SRRM3: variants seen among roughly 807,000 people sequenced by gnomAD.
The protein encoded by SRRM3 is serine/arginine repetitive matrix protein 3.
SRRM3 carries 27 observed loss-of-function variants against 66.2 expected under a neutral mutation model. That is an observed-to-expected ratio of 0.41 (90% CI 0.30 to 0.56). SRRM3 has a LOEUF of 0.56. Among genes scored for constraint, SRRM3 ranks in the 20% least tolerant of loss-of-function variants. The pLI is 0.32. For synonymous variants in SRRM3, 391 were observed against 414.9 expected, an observed-to-expected ratio of 0.94 and a Z score of 0.70; for missense variants, 918 against 991.9, an observed-to-expected ratio of 0.93 and a Z score of 1.00.
chr7:76,235,447 T>G (rs946948852), intron 2 of SRRM3, 148 bp downstream of exon 2: 1 of 748,660 alleles, frequency 1.3e-6, no homozygotes, highest in Non-Finnish European at 2.1e-6. Flanking sequence ...CGGGCGACTG[T>G]GGGAACCCAA....
intron 3 of SRRM3, 27 bp from the exon 4 acceptor site, chr7:76,259,879 G>T: frequency 6.3e-7 from 1 of 1,599,884 alleles, no homozygotes; most frequent in South Asian, 1.1e-5. Flanking sequence ...TCCCGAGACT[G>T]GTGGTGAGCG....
rs1394126921 is a variant in SRRM3 at position 76,281,069 on chromosome 7, CTT to C, written c.1009-370_1009-369del. 2.0e-5 allele frequency among the ~76,000 whole-genome samples: 3 copies of C among 147,186 alleles called. No homozygotes were observed. The East Asian group carries it at 6.0e-4, about 30-fold the overall frequency. On this transcript the variant is annotated intron_variant, in intron 11 of 14. Transcript: ENST00000611745. ...TCACCCTCGCTCTTTCGCCCTCTCT[CTT>C]TCTCATCTCTCTCCCTCTCACTCTG...
chr7:76,283,494 A>G (rs1180446049), intron 14 of SRRM3: 1 of 461,142 alleles, frequency 2.2e-6, no homozygotes, highest in East Asian at 6.8e-5. Flanking sequence ...TCTCCGGACA[A>G]TGATGTCTCC....
At chr7:76,225,917 A>G (rs1249982307) in intron 1 of SRRM3, among the ~76,000 whole-genome samples, 1 of 152,122 alleles carries the variant, frequency 6.6e-6, no homozygotes, top group Admixed American at 6.5e-5. Context: ...CTCTCAGCTT[A>G]TGAATTCCCA....
chr7:76,246,893 C>A (rs1554606225), intron 2 of SRRM3, among the ~76,000 whole-genome samples: 1 of 152,214 alleles, frequency 6.6e-6, no homozygotes, highest in Admixed American at 6.5e-5. Context: ...TTTCCCAGCT[C>A]TATGAGGTTG....
At chr7:76,283,881 T>G in intron 14 of SRRM3, 1 of 977,670 alleles carries the variant, frequency 1.0e-6, no homozygotes, top group Non-Finnish European at 1.2e-6. Flanking sequence ...AGCCCTAGAT[T>G]ACCCTGGCAG....
intron 14 of SRRM3, 51 bp downstream of exon 14, chr7:76,283,152 C>CCAGCG: frequency 7.4e-7 from 1 of 1,351,608 alleles, no homozygotes; most frequent in Non-Finnish European, 9.5e-7. Flanking sequence ...GCCGCTGACC[C>CCAGCG]GGATCAGGGA....
At chr7:76,266,540 A>AT (rs1802056530) in intron 10 of SRRM3, among the ~76,000 whole-genome samples, 2 of 111,294 alleles carry the variant, frequency 1.8e-5, no homozygotes, top group Admixed American at 1.3e-4. Context: ...TTAATATATA[A>AT]ATATTTATAT....
intron 1 of SRRM3, among the ~76,000 whole-genome samples, chr7:76,233,653 C>G (rs1801067233): frequency 6.6e-6 from 1 of 152,072 alleles, no homozygotes; most frequent in South Asian, 2.1e-4. Context: ...TCTGAGTCCC[C>G]AGGCACTCCC....
chr7:76,259,960 G>T lies in SRRM3; in HGVS notation c.390G>T (p.Ala130=). ...TEGAEPGLEY[A]PFDDDDGPVD... ...GCGCTGAGCCGGGCCTGGAGTACGC[G>T]CCCTTTGACGATGACGACGGCCCAG... Residue 130 remains alanine (A), a synonymous_variant, in exon 4 of 15, where the codon GCG becomes GCT. Coordinates refer to ENST00000611745, the MANE Select transcript of SRRM3 (RefSeq NM_001110199.3). 2 of 1,601,464 alleles carry T rather than the reference G, an allele frequency of 1.2e-6. No homozygotes were observed. Among genetic ancestry groups the T allele is most frequent in the Non-Finnish European group, 8.5e-7 (1 of 1,179,340 alleles).
At chr7:76,235,389 C>A in intron 2 of SRRM3, 90 bp downstream of exon 2, 1 of 1,045,328 alleles carries the variant, frequency 9.6e-7, no homozygotes, top group South Asian at 1.8e-5. Flanking sequence ...GCGTGGCGAA[C>A]GTCGTGGGCG....
At chr7:76,268,526 C>T (rs577127018) in intron 11 of SRRM3, 2 of 152,234 alleles carry the variant, frequency 1.3e-5, no homozygotes, top group Non-Finnish European at 2.9e-5. Flanking sequence ...CAGCAGCAAA[C>T]ATGTACGTGT....
At chr7:76,254,900 AAG>A (rs1801668347) in intron 3 of SRRM3, among the ~76,000 whole-genome samples, 1 of 152,028 alleles carries the variant, frequency 6.6e-6, no homozygotes. Context: ...TGGAAAAGAA[AAG>A]AGAAGTTTAA....
chr7:76,215,082 G>T lies in SRRM3; in HGVS notation c.-40+13015G>T, dbSNP rs973495438. 2.6e-5 allele frequency among the ~76,000 whole-genome samples: 4 copies of T among 151,390 alleles called. No homozygotes were observed. The East Asian group carries it at 7.7e-4, about 29-fold the overall frequency. On this transcript the variant is annotated intron_variant, in intron 1 of 14. Coordinates refer to ENST00000611745, the MANE Select transcript of SRRM3 (RefSeq NM_001110199.3). ...AAACAGGAAAGATGAGCAGTATAGG[G>T]TAGATAAAATATGCAAAATATTAAA...
intron 3 of SRRM3, among the ~76,000 whole-genome samples, chr7:76,255,588 T>A (rs1801694546): frequency 6.6e-6 from 1 of 152,126 alleles, no homozygotes; most frequent in Non-Finnish European, 1.5e-5. Context: ...ACTCCACAGG[T>A]GCATGCCACT....
rs572316436 is a variant in SRRM3, at chr7:76,245,161, G to A, written c.234-3027G>A. 1.6e-4 allele frequency among the ~76,000 whole-genome samples: 25 copies of A among 152,266 alleles called. 1 individual carries two copies. The East Asian group carries it at 1.9e-3, about 12-fold the overall frequency. On this transcript the variant is annotated intron_variant, in intron 2 of 14. Coordinates refer to ENST00000611745, the MANE Select transcript of SRRM3 (RefSeq NM_001110199.3). The stretch of plus-strand genomic sequence containing the variant: ...ATCTTTGCCATGATTATTTCCACAG[G>A]GTAGACCTGAAAGTTAATGTATGAG...
intron 11 of SRRM3, among the ~76,000 whole-genome samples, chr7:76,272,408 A>AT (rs1373838985): frequency 4.4e-4 from 66 of 151,676 alleles, no homozygotes; most frequent in South Asian, 1.5e-3. Flanking sequence ...CAAAAAAAAA[A>AT]TTTTTTTTAA....
chr7:76,276,662 A>C (rs1360199999), intron 11 of SRRM3, among the ~76,000 whole-genome samples: 4 of 152,098 alleles, frequency 2.6e-5, no homozygotes, highest in Admixed American at 2.6e-4. Context: ...ATGAAATCCC[A>C]TAGTGCTTGG....
intron 11 of SRRM3, among the ~76,000 whole-genome samples, chr7:76,277,233 G>A (rs1301166232): frequency 6.6e-6 from 1 of 152,144 alleles, no homozygotes. Context: ...GACCATGATG[G>A]GGGTGAACAG....
Sources: allele counts gnomAD v4.1 joint callset (sites outside exome capture counted in the v4.1 genomes callset), GRCh38; gene constraint gnomAD v4.1.1; transcripts MANE v1.5; gene names NCBI Gene and HGNC (gene_info 2026-07-23, HGNC 2026-07-21).